The following TNIK variants were observed in gnomAD, a reference collection of about 807,000 sequenced individuals.
TNIK encodes TRAF2 and NCK-interacting protein kinase.
A neutral mutation model predicts 191.3 loss-of-function variants in TNIK; 49 were observed. The observed-to-expected ratio is 0.26, with a 90% confidence interval of 0.20 to 0.32. TNIK has a LOEUF of 0.32. Among genes scored for constraint, TNIK ranks in the 10% least tolerant of loss-of-function variants. The pLI is 1.00. For missense variants in TNIK, 1,155 were observed against 1,702.3 expected (o/e 0.68, Z 5.66); for synonymous variants, 594 against 600.9 (o/e 0.99, Z 0.17).
Position 171,125,959 on chromosome 3 carries a change from A to G in TNIK, c.1966T>C (p.Phe656Leu). The G allele has an allele frequency of 6.2e-7, 1 of 1,613,988 alleles. No homozygotes were observed. Among genetic ancestry groups the G allele is most frequent in the Non-Finnish European group, 8.5e-7 (1 of 1,179,888 alleles). Residue 656 changes from phenylalanine (F) to leucine (L), a missense_variant, in exon 17 of 33, where the codon TTT becomes CTT. Phe to Leu is a conservative substitution (Grantham distance 22). Coordinates refer to ENST00000436636, the MANE Select transcript of TNIK (RefSeq NM_015028.4). ...TGTCGTAACCAAGAGCTTCGGTCAA[A>G]CTTTTCAATGCGAGTGGGGAGAGGA... The part of the protein sequence containing the change: ...NPPLPTRIEK[F>L]DRSSWLRQEE...
At chr3:171,178,405 T>C (rs1177720784) in intron 7 of TNIK, among the ~76,000 whole-genome samples, 2 of 147,008 alleles carry the variant, frequency 1.4e-5, no homozygotes, top group African/African-American at 5.1e-5. Flanking sequence ...GATAAACAAT[T>C]ATTGCCTATT....
intron 4 of TNIK, among the ~76,000 whole-genome samples, chr3:171,204,582 A>G (rs781309855): frequency 7.2e-5 from 11 of 152,234 alleles, no homozygotes; most frequent in Non-Finnish European, 1.2e-4. Flanking sequence ...AGAGTCAACT[A>G]TCTATGACCT....
At chr3:171,397,324 G>A (rs954141892) in intron 1 of TNIK, among the ~76,000 whole-genome samples, 2 of 152,202 alleles carry the variant, frequency 1.3e-5, no homozygotes, top group African/African-American at 2.4e-5. Flanking sequence ...GGACCAAGGA[G>A]TACATTATTC....
intron 2 of TNIK, among the ~76,000 whole-genome samples, chr3:171,346,730 G>T (rs1712266337): frequency 7.1e-6 from 1 of 140,430 alleles, no homozygotes; most frequent in African/African-American, 2.7e-5. Context: ...CATTCCAGGA[G>T]CAGGAATGTG....
intron 2 of TNIK, among the ~76,000 whole-genome samples, chr3:171,327,334 T>C (rs1018272053): frequency 6.6e-6 from 1 of 152,208 alleles, no homozygotes; most frequent in African/African-American, 2.4e-5. Context: ...GCCAATGCCA[T>C]GTGGGTGTTC....
intron 2 of TNIK, among the ~76,000 whole-genome samples, chr3:171,364,758 G>C (rs1715456828): frequency 6.6e-6 from 1 of 152,162 alleles, no homozygotes; most frequent in African/African-American, 2.4e-5. Context: ...AGCTGTAATA[G>C]ACACAGGGAT....
chr3:171,429,615 G>T (rs1441370055), intron 1 of TNIK, among the ~76,000 whole-genome samples: 1 of 152,114 alleles, frequency 6.6e-6, no homozygotes, highest in African/African-American at 2.4e-5. Context: ...GCCCCTATTA[G>T]CCTGTTCAAT....
At chr3:171,102,827 A>G (rs550113089) in intron 21 of TNIK, among the ~76,000 whole-genome samples, 1 of 152,338 alleles carries the variant, frequency 6.6e-6, no homozygotes, top group Admixed American at 6.5e-5. Context: ...GACATTGGGT[A>G]ATCCATCCTA....
At chr3:171,263,495 T>C (rs1370513370) in intron 2 of TNIK, among the ~76,000 whole-genome samples, 2 of 152,198 alleles carry the variant, frequency 1.3e-5, no homozygotes, top group African/African-American at 4.8e-5. Flanking sequence ...CAAATTTCAA[T>C]GATGTTGCCT....
At chr3:171,377,941 C>A (rs531351416) in intron 1 of TNIK, among the ~76,000 whole-genome samples, 4 of 152,324 alleles carry the variant, frequency 2.6e-5, no homozygotes, top group African/African-American at 7.2e-5. Flanking sequence ...TTACTCATTT[C>A]TCTACAAATG....
chr3:171,210,985 G>T, intron 4 of TNIK, 131 bp downstream of exon 4: 2 of 1,158,410 alleles, frequency 1.7e-6, no homozygotes, highest in East Asian at 2.6e-5. Context: ...AAAACAATAT[G>T]TTACGGACAT....
chr3:171,269,215 A>G (rs906398616), intron 2 of TNIK, among the ~76,000 whole-genome samples: 5 of 151,948 alleles, frequency 3.3e-5, no homozygotes, highest in African/African-American at 1.2e-4. Context: ...ATTTATTTAG[A>G]GAGTAGCTAG....
At chr3:171,451,471 G>A (rs1728166548) in intron 1 of TNIK, among the ~76,000 whole-genome samples, 1 of 152,178 alleles carries the variant, frequency 6.6e-6, no homozygotes, top group African/African-American at 2.4e-5. Flanking sequence ...CTGAATTCCT[G>A]GCCCACAGAA....
At chr3:171,280,404 C>G (rs1022812432) in intron 2 of TNIK, among the ~76,000 whole-genome samples, 7 of 152,196 alleles carry the variant, frequency 4.6e-5, no homozygotes, top group African/African-American at 1.4e-4. Flanking sequence ...GTCTTTGGAT[C>G]AGGCACTTAA....
At chr3:171,433,084 T>C (rs1725567162) in intron 1 of TNIK, among the ~76,000 whole-genome samples, 1 of 152,208 alleles carries the variant, frequency 6.6e-6, no homozygotes, top group Non-Finnish European at 1.5e-5. Context: ...CTTTTTTATG[T>C]AATGGGGACA....
intron 2 of TNIK, among the ~76,000 whole-genome samples, chr3:171,317,011 A>C (rs865952368): frequency 1.4e-5 from 2 of 145,302 alleles, no homozygotes; most frequent in African/African-American, 5.0e-5. Context: ...TATGATATAT[A>C]TCATATAAAA....
chr3:171,272,724 C>T (rs1749266835), intron 2 of TNIK, among the ~76,000 whole-genome samples: 1 of 152,032 alleles, frequency 6.6e-6, no homozygotes, highest in Non-Finnish European at 1.5e-5. Context: ...ATTCTGGTTA[C>T]TTATCGTTTT....
intron 7 of TNIK, among the ~76,000 whole-genome samples, chr3:171,179,269 A>G (rs1736345454): frequency 6.6e-6 from 1 of 152,104 alleles, no homozygotes; most frequent in Non-Finnish European, 1.5e-5. Context: ...TTTTCATTAA[A>G]CGCAATCTGC....
At position 171,460,094 on chromosome 3, in the gene TNIK, A is replaced by C. The variant is rs1223009637; in HGVS notation, c.-31T>G. The C allele has an allele frequency of 6.3e-7, 1 of 1,588,892 alleles. No homozygotes were observed. Among genetic ancestry groups the C allele is most frequent in the Non-Finnish European group, 8.6e-7 (1 of 1,167,176 alleles). ...CTTCTTCGCTGGAGAAATGGACCAA[A>C]ACCACCCCGAAGCTTTTCCCTTGGA... On this transcript the variant is annotated 5_prime_UTR_variant, in exon 1 of 33. Coordinates refer to ENST00000436636, the MANE Select transcript of TNIK (RefSeq NM_015028.4). This position sits in a 1 kb window ranked among gnomAD's most constrained non-coding sequence, Gnocchi z 6.8.
Sources: gnomAD v4.1 joint callset for allele counts (sites outside exome capture counted in the v4.1 genomes callset) on GRCh38, gnomAD v4.1.1 for gene constraint, Gnocchi (gnomAD v3.1) non-coding constraint, MANE v1.5 for transcripts, NCBI Gene and HGNC (gene_info 2026-07-23, HGNC 2026-07-21) for gene names.